Variants in PLCB1 observed in about 807,000 individuals in gnomAD.
PLCB1 encodes phospholipase C beta 1, also known as 1-phosphatidylinositol 4,5-bisphosphate phosphodiesterase beta-1.
PLCB1 carries 46 observed loss-of-function variants against 161.8 expected under a neutral mutation model. The observed-to-expected ratio is 0.28, with a 90% confidence interval of 0.22 to 0.36. The LOEUF is 0.36. Among genes scored for constraint, PLCB1 ranks in the 10% least tolerant of loss-of-function variants. The probability of loss-of-function intolerance (pLI) is 1.00; values close to 1 mark genes in which losing one functional copy is unlikely to be tolerated. For synonymous variants in PLCB1, 517 were observed against 503.7 expected (o/e 1.03, Z -0.35); for missense variants, 1,016 against 1,472.5 (o/e 0.69, Z 5.07).
At chr20:8,844,834 G>T (rs1418467961) in intron 31 of PLCB1, among the ~76,000 whole-genome samples, 2 of 152,132 alleles carry the variant, frequency 1.3e-5, no homozygotes, top group Non-Finnish European at 2.9e-5. Flanking sequence ...GATTAGGCCA[G>T]GCACGGTGGC....
intron 3 of PLCB1, among the ~76,000 whole-genome samples, chr20:8,564,569 T>A (rs1277682604): frequency 4.0e-5 from 6 of 151,872 alleles, no homozygotes; most frequent in Non-Finnish European, 7.4e-5. Flanking sequence ...TGGGAGAAAA[T>A]TTTTGCAGTG....
At chr20:8,780,758 G>T (rs1370197489) in intron 27 of PLCB1, among the ~76,000 whole-genome samples, 17 of 152,046 alleles carry the variant, frequency 1.1e-4, no homozygotes. Flanking sequence ...GGGGTCTAGG[G>T]TCATATGTCC....
At chr20:8,814,010 C>A (rs1984959101) in intron 31 of PLCB1, among the ~76,000 whole-genome samples, 1 of 152,024 alleles carries the variant, frequency 6.6e-6, no homozygotes, top group African/African-American at 2.4e-5. Context: ...TTTCCTCTGC[C>A]CTGATGTGAC....
chr20:8,739,721 G>A (rs1980774680), intron 21 of PLCB1, among the ~76,000 whole-genome samples: 2 of 152,322 alleles, frequency 1.3e-5, no homozygotes, highest in South Asian at 4.1e-4. Context: ...TCACTCTGGG[G>A]TCCAGGCTGA....
intron 22 of PLCB1, 32 bp from the exon 23 acceptor site, chr20:8,741,432 C>T (rs1980873862): frequency 7.0e-7 from 1 of 1,426,740 alleles, no homozygotes. Flanking sequence ...ACTTCCAGGA[C>T]CTTTGATCTA....
chr20:8,276,980 C>CTTATTATTATTATTATTATTA, intron 2 of PLCB1, among the ~76,000 whole-genome samples: 1 of 96,874 alleles, frequency 1.0e-5, no homozygotes, highest in Non-Finnish European at 2.1e-5. Context: ...TCTTCTTCTT[C>CTTATTATTATTATTATTATTA]TTCTTCTTAT....
chr20:8,794,078 C>A (rs1208297913), intron 31 of PLCB1, among the ~76,000 whole-genome samples: 1 of 152,244 alleles, frequency 6.6e-6, no homozygotes, highest in Non-Finnish European at 1.5e-5. Context: ...GGTTATCTCT[C>A]TTGTTTCCTA....
intron 2 of PLCB1, among the ~76,000 whole-genome samples, chr20:8,199,331 G>C (rs1205575926): frequency 6.6e-6 from 1 of 152,016 alleles, no homozygotes; most frequent in Non-Finnish European, 1.5e-5. Context: ...TAAAAGCCTA[G>C]AATTGGAATT....
At chr20:8,684,167 A>T (rs753410881) in intron 9 of PLCB1, among the ~76,000 whole-genome samples, 14 of 151,280 alleles carry the variant, frequency 9.3e-5, no homozygotes, top group Non-Finnish European at 1.6e-4. Flanking sequence ...TACAGGCGTG[A>T]GCCACCGCGC....
rs183946181 is a variant in PLCB1, at chr20:8,460,864, G to A, written c.246+89414G>A. 9.2e-5 allele frequency among the ~76,000 whole-genome samples: 14 copies of A among 152,204 alleles called. No individual in the cohort carries two copies. The East Asian group carries it at 1.7e-3, about 19-fold the overall frequency. The stretch of plus-strand genomic sequence containing the variant: ...GCCTGAGGGTCTTCATTGCTAACTA[G>A]CTCCTAGGTGATAGGAACAGTGCTG... On this transcript the variant is annotated intron_variant, in intron 3 of 31. Coordinates refer to ENST00000338037, the MANE Select transcript of PLCB1 (RefSeq NM_015192.4).
chr20:8,662,391 T>C (rs1340888298), intron 9 of PLCB1, among the ~76,000 whole-genome samples: 1 of 130,940 alleles, frequency 7.6e-6, no homozygotes, highest in Non-Finnish European at 1.5e-5. Flanking sequence ...AATATATAAT[T>C]ATTTATTATA....
intron 11 of PLCB1, among the ~76,000 whole-genome samples, chr20:8,708,026 G>T (rs556014393): frequency 1.4e-4 from 22 of 152,144 alleles, no homozygotes; most frequent in Non-Finnish European, 2.9e-4. Flanking sequence ...GTGTGGGGTG[G>T]GGTGCAGGAA....
chr20:8,729,046 C>T lies in PLCB1; in HGVS notation c.1764-4C>T. 1.9e-6 allele frequency: 3 copies of T among 1,598,854 alleles called. 1 individual carries two copies. The highest frequency in any genetic ancestry group is 2.3e-5 in the South Asian group (2 of 88,508). On this transcript the variant is annotated splice_polypyrimidine_tract_variant and splice_region_variant and intron_variant, in intron 17 of 31. Coordinates refer to ENST00000338037, the MANE Select transcript of PLCB1 (RefSeq NM_015192.4). ...TGTATTCACTACTTAACATGATGGT[C>T]CAGATATAACAAAATGCAGCTTAGC...
chr20:8,333,167 T>C (rs1985434463), intron 2 of PLCB1, among the ~76,000 whole-genome samples: 1 of 152,194 alleles, frequency 6.6e-6, no homozygotes, highest in Non-Finnish European at 1.5e-5. Context: ...ATTCCAGTCA[T>C]GTGCTGAAGA....
intron 2 of PLCB1, among the ~76,000 whole-genome samples, chr20:8,274,352 T>C (rs1444755851): frequency 1.3e-5 from 2 of 152,200 alleles, no homozygotes; most frequent in Non-Finnish European, 2.9e-5. Flanking sequence ...ATTATACAGA[T>C]ACTATTTTAA....
chr20:8,766,666 A>G (rs1982332886), intron 26 of PLCB1, among the ~76,000 whole-genome samples: 1 of 152,190 alleles, frequency 6.6e-6, no homozygotes, highest in Admixed American at 6.5e-5. Context: ...TGATATGGCG[A>G]AATTTGAGAG....
In PLCB1 at chr20:8,790,106, G is replaced by A. The variant is rs45541432; in HGVS notation, c.3337-69G>A. ...TAAGCCATAGATCTGAAAAGCTTTC[G>A]GTATTTTCTGAAAACGTGCACTTTT... On this transcript the variant is annotated intron_variant, in intron 30 of 31. Coordinates refer to ENST00000338037, the MANE Select transcript of PLCB1 (RefSeq NM_015192.4). The A allele has an allele frequency of 2.0e-4, 211 of 1,033,916 alleles. No homozygotes were observed. In the East Asian group the frequency reaches 2.2e-3, roughly 11 times the overall value. 64.0% of individuals were successfully genotyped at this position (1,033,916 alleles called of 1,614,324 possible).
intron 25 of PLCB1, among the ~76,000 whole-genome samples, chr20:8,761,432 C>T (rs527792473): frequency 4.3e-4 from 65 of 152,192 alleles, no homozygotes; most frequent in African/African-American, 1.4e-3. Context: ...CACTTTGATG[C>T]GTATATTTGC....
intron 3 of PLCB1, among the ~76,000 whole-genome samples, chr20:8,373,529 G>T (rs531594927): frequency 6.6e-6 from 1 of 152,080 alleles, no homozygotes. Flanking sequence ...TGTGTTTTCC[G>T]CCTCCAGAAA....
Sources: gnomAD v4.1 joint callset for allele counts (sites outside exome capture counted in the v4.1 genomes callset) on GRCh38, gnomAD v4.1.1 for gene constraint, MANE v1.5 for transcripts, NCBI Gene and HGNC (gene_info 2026-07-23, HGNC 2026-07-21) for gene names.